EPHA3: variants seen among roughly 807,000 people sequenced by gnomAD.
EPHA3 encodes the protein EPH receptor A3, also known as ephrin type-A receptor 3.
Under a neutral mutation model 107.1 loss-of-function variants are expected in EPHA3, and 42 were observed. The observed-to-expected ratio is 0.39, with a 90% CI of 0.31 to 0.51. EPHA3 has a LOEUF of 0.51. EPHA3 is among the 20% of genes least tolerant of loss of function. The pLI is 0.78. For synonymous variants in EPHA3, 461 were observed against 424.8 expected (o/e 1.09, Z -1.05); for missense variants, 1,183 against 1,211.2 (o/e 0.98, Z 0.35).
chr3:89,409,249 C>G (rs914229274), intron 9 of EPHA3, among the ~76,000 whole-genome samples: 1 of 152,062 alleles, frequency 6.6e-6, no homozygotes, highest in Non-Finnish European at 1.5e-5. Context: ...AGGTGACCAA[C>G]TCAAAAGTCT....
At chr3:89,287,345 A>G (rs1333470669) in intron 3 of EPHA3, among the ~76,000 whole-genome samples, 1 of 152,162 alleles carries the variant, frequency 6.6e-6, no homozygotes, top group African/African-American at 2.4e-5. Flanking sequence ...TGGTCAGAGA[A>G]TTGAAATTAT....
chr3:89,342,942 C>T (rs551664536), intron 5 of EPHA3, among the ~76,000 whole-genome samples: 60 of 152,078 alleles, frequency 3.9e-4, no homozygotes, highest in African/African-American at 1.4e-3. Flanking sequence ...AGATGCCACT[C>T]TGATTCTCCA....
intron 1 of EPHA3, among the ~76,000 whole-genome samples, chr3:89,120,675 A>G (rs1484663976): frequency 4.6e-5 from 7 of 152,182 alleles, no homozygotes; most frequent in Non-Finnish European, 4.4e-5. Context: ...CACTCTAGTT[A>G]TAAAAACACA....
intron 3 of EPHA3, among the ~76,000 whole-genome samples, chr3:89,305,628 G>A (rs1461706849): frequency 6.6e-6 from 1 of 151,954 alleles, no homozygotes; most frequent in East Asian, 1.9e-4. Context: ...TTTCTTGATT[G>A]TAAGGGGAAA....
rs773459645 is a variant in EPHA3 at position 89,472,455 on chromosome 3, T to A, written c.2691-9T>A. 59 of 1,612,876 alleles carry A rather than the reference T, an allele frequency of 3.7e-5. No homozygotes were observed. The highest frequency in any genetic ancestry group is 4.7e-5 in the Non-Finnish European group (56 of 1,179,432). On this transcript the variant is annotated splice_polypyrimidine_tract_variant and intron_variant, in intron 15 of 16. Coordinates refer to ENST00000336596, the MANE Select transcript of EPHA3 (RefSeq NM_005233.6). ...GATCTGTCTCCCTTTGGTGTTTTTT[T>A]TCTTGCAGGCCATCAAACCTTCTTC...
intron 3 of EPHA3, among the ~76,000 whole-genome samples, chr3:89,258,523 T>A (rs1487924963): frequency 6.6e-6 from 1 of 151,966 alleles, no homozygotes; most frequent in African/African-American, 2.4e-5. Flanking sequence ...GCTCACCACA[T>A]AGAGTAGGAA....
chr3:89,361,792 A>T (rs1171506924), intron 5 of EPHA3, among the ~76,000 whole-genome samples: 1 of 151,098 alleles, frequency 6.6e-6, no homozygotes, highest in African/African-American at 2.4e-5. Flanking sequence ...TCACAAAACC[A>T]ACAGTGTGGG....
chr3:89,172,433 A>T (rs1705231810), intron 2 of EPHA3, among the ~76,000 whole-genome samples: 6 of 152,074 alleles, frequency 3.9e-5, no homozygotes. Context: ...ATTTAACCTA[A>T]CCAGGCTGTA....
At chr3:89,174,278 A>T (rs1705273550) in intron 2 of EPHA3, among the ~76,000 whole-genome samples, 1 of 152,006 alleles carries the variant, frequency 6.6e-6, no homozygotes. Context: ...GCATAGTAAT[A>T]AGATTATAAT....
Position 89,266,607 on chromosome 3 carries a change from C to A in EPHA3, c.814+56087C>A, listed in dbSNP as rs148759400. On this transcript the variant is annotated intron_variant, in intron 3 of 16. Transcript: ENST00000336596. ...TTTTTCTCCAACCCTAAGAATATAA[C>A]TTTTCTTACATAAGTAGCATATTCG... 7.8e-3 allele frequency among the ~76,000 whole-genome samples: 1,191 copies of A among 152,108 alleles called. 12 individuals carry two copies. The highest frequency in any genetic ancestry group is 0.027 in the African/African-American group (1,125 of 41,514).
At chr3:89,415,552 C>T (rs1293710008) in intron 10 of EPHA3, among the ~76,000 whole-genome samples, 2 of 147,652 alleles carry the variant, frequency 1.4e-5, no homozygotes, top group East Asian at 2.0e-4. Flanking sequence ...GTTATGGAAA[C>T]TCTCTTGTAT....
At chr3:89,231,511 G>A (rs1704634588) in intron 3 of EPHA3, among the ~76,000 whole-genome samples, 1 of 151,974 alleles carries the variant, frequency 6.6e-6, no homozygotes, top group South Asian at 2.1e-4. Flanking sequence ...TAATTGTGTT[G>A]TCACTGCTCT....
chr3:89,456,998 T>C (rs1205078557), intron 15 of EPHA3, among the ~76,000 whole-genome samples: 1 of 152,134 alleles, frequency 6.6e-6, no homozygotes, highest in Non-Finnish European at 1.5e-5. Context: ...CCTCAGAACA[T>C]GTAATTATTA....
chr3:89,382,001 AGT>A (rs1451334468), intron 5 of EPHA3, among the ~76,000 whole-genome samples: 1 of 152,156 alleles, frequency 6.6e-6, no homozygotes, highest in Non-Finnish European at 1.5e-5. Context: ...GGGTTTAAAG[AGT>A]GAGAAAAAAA....
At chr3:89,400,552 A>C (rs985663511) in intron 7 of EPHA3, among the ~76,000 whole-genome samples, 1 of 152,226 alleles carries the variant, frequency 6.6e-6, no homozygotes, top group East Asian at 1.9e-4. Context: ...CTCATTAATT[A>C]ATAAACAGAT....
chr3:89,429,047 G>A, intron 11 of EPHA3, 59 bp from the exon 12 acceptor site: 1 of 1,172,694 alleles, frequency 8.5e-7, no homozygotes, highest in African/African-American at 1.5e-5. Flanking sequence ...TATTATATAT[G>A]TTCATTGTAT....
intron 3 of EPHA3, among the ~76,000 whole-genome samples, chr3:89,306,077 C>T (rs933633180): frequency 6.6e-6 from 1 of 152,040 alleles, no homozygotes; most frequent in African/African-American, 2.4e-5. Flanking sequence ...CTTATCATTG[C>T]CAGTGCTTTC....
intron 15 of EPHA3, among the ~76,000 whole-genome samples, chr3:89,468,206 T>C (rs1490762511): frequency 1.3e-5 from 2 of 152,118 alleles, no homozygotes; most frequent in African/African-American, 2.4e-5. Flanking sequence ...GGAAAAATGA[T>C]ACTTTGCAGG....
chr3:89,173,763 A>C (rs1394432481), intron 2 of EPHA3, among the ~76,000 whole-genome samples: 1 of 152,014 alleles, frequency 6.6e-6, no homozygotes, highest in South Asian at 2.1e-4. Context: ...AGCATATCTG[A>C]GGCAATTCTT....
Sources: gnomAD v4.1 joint callset for allele counts (sites outside exome capture counted in the v4.1 genomes callset) on GRCh38, gnomAD v4.1.1 for gene constraint, MANE v1.5 for transcripts, NCBI Gene and HGNC (gene_info 2026-07-23, HGNC 2026-07-21) for gene names.